The following SPDEF variants were observed in gnomAD, a reference collection of about 807,000 sequenced individuals.
SPDEF encodes SAM pointed domain containing ETS transcription factor.
Under a neutral mutation model 36.0 loss-of-function variants are expected in SPDEF, and 12 were observed. The observed-to-expected ratio is 0.33, with a 90% CI of 0.21 to 0.54. The LOEUF is 0.54. Ranked by LOEUF, SPDEF falls within the 20% of genes least tolerant of loss-of-function variation. The pLI, the probability that SPDEF is intolerant of heterozygous loss-of-function variation, is 0.93. For missense variants in SPDEF, 388 were observed against 456.9 expected (o/e 0.85, Z 1.37); for synonymous variants, 205 against 193.0 (o/e 1.06, Z -0.51).
chr6:34,548,374 C>T (rs1219584233), intron 1 of SPDEF, among the ~76,000 whole-genome samples: 1 of 152,182 alleles, frequency 6.6e-6, no homozygotes, highest in Non-Finnish European at 1.5e-5. Context: ...CTGTCCCCAC[C>T]TCTTGGCTCT....
In SPDEF at chr6:34,538,536, G is replaced by A. The variant is rs1005836370; in HGVS notation, c.830-84C>T. 1.3e-5 allele frequency: 18 copies of A among 1,429,254 alleles called. No individual in the cohort carries two copies. Among genetic ancestry groups the A allele is most frequent in the South Asian group, 2.6e-5 (2 of 77,392 alleles). The allele number at this position is 1,429,254 out of a possible 1,614,324, so 88.5% of individuals were successfully genotyped here. On this transcript the variant is annotated intron_variant, in intron 5 of 5. Coordinates refer to ENST00000374037, the MANE Select transcript of SPDEF (RefSeq NM_012391.3). The surrounding 1 kb of genome is among the most constrained non-coding windows in gnomAD (Gnocchi z 5.9). ...AGACGCAGACCACCAGGTCAGCCTCGTGGCGAACCAAGGGACCCCGTGCAG... is the reference window on the plus strand; with the variant it reads ...AGACGCAGACCACCAGGTCAGCCTCATGGCGAACCAAGGGACCCCGTGCAG...
At chr6:34,546,944 C>T (rs1349389150) in intron 1 of SPDEF, among the ~76,000 whole-genome samples, 1 of 152,094 alleles carries the variant, frequency 6.6e-6, no homozygotes, top group Non-Finnish European at 1.5e-5. Flanking sequence ...TGGGCCCCAC[C>T]CTGCCTGGTG....
chr6:34,551,319 G>A (rs1055633385), intron 1 of SPDEF, among the ~76,000 whole-genome samples: 1 of 152,208 alleles, frequency 6.6e-6, no homozygotes, highest in Non-Finnish European at 1.5e-5. Context: ...GCAGCCCCAA[G>A]TGGACCATCG....
Position 34,539,544 on chromosome 6 carries a change from C to T in SPDEF, c.653G>A (p.Arg218Gln), listed in dbSNP as rs201096048. 2.3e-4 allele frequency: 354 copies of T among 1,572,866 alleles called. No individual in the cohort carries two copies. The highest frequency in any genetic ancestry group is 9.2e-4 in the Admixed American group (50 of 54,548). The change falls in exon 4 of 6, where the codon CGG becomes CAG. Residue 218 changes from arginine (R) to glutamine (Q), a missense_variant. Transcript: ENST00000374037. The surrounding 1 kb of genome is among the most constrained non-coding windows in gnomAD (Gnocchi z 5.2). ...GTAGTGAATCGCCCCAGGTGAAGTCCGCTCTTTCATCCAGGCCGCTGCAGG... is the reference window on the plus strand; with the variant it reads ...GTAGTGAATCGCCCCAGGTGAAGTCTGCTCTTTCATCCAGGCCGCTGCAGG... ...IWKSAAWMKE[R>Q]TSPGAIHYCA... is the part of the protein sequence containing the mutation.
Position 34,552,890 on chromosome 6 carries a change from G to A in SPDEF, c.-30+3039C>T, listed in dbSNP as rs187993417. Among the ~76,000 whole-genome samples the A allele has an allele frequency of 1.3e-5, 2 of 152,312 alleles. No individual in the cohort carries two copies. Among genetic ancestry groups the A allele is most frequent in the Non-Finnish European group, 1.5e-5 (1 of 68,030 alleles). ...TCCCCCTTTTGTCCTGGCACAGAGG[G>A]TAGGGTGGGGCAGGAGGAGCTAGGT... On this transcript the variant is annotated intron_variant, in intron 1 of 5. Coordinates refer to ENST00000374037, the MANE Select transcript of SPDEF (RefSeq NM_012391.3). This position sits in a 1 kb window ranked among gnomAD's most constrained non-coding sequence, Gnocchi z 4.6.
intron 1 of SPDEF, among the ~76,000 whole-genome samples, chr6:34,546,242 G>A (rs1767951086): frequency 6.6e-6 from 1 of 152,158 alleles, no homozygotes; most frequent in South Asian, 2.1e-4. Context: ...CTGGCCTCTG[G>A]GTGATTCTCG....
intron 2 of SPDEF, among the ~76,000 whole-genome samples, chr6:34,543,522 C>A (rs1375078999): frequency 6.6e-6 from 1 of 152,124 alleles, no homozygotes; most frequent in African/African-American, 2.4e-5. Flanking sequence ...TGTTTGTTTT[C>A]TTTACCATGT....
In SPDEF at chr6:34,544,187, G is replaced by A. The variant is rs1427612179; in HGVS notation, c.269C>T (p.Pro90Leu). Residue 90 changes from proline (P) to leucine (L), a missense_variant, in exon 2 of 6, where the codon CCT (proline) becomes CTT (leucine). Pro to Leu is a moderately conservative substitution (Grantham distance 98, BLOSUM62 -3). Coordinates refer to ENST00000374037, the MANE Select transcript of SPDEF (RefSeq NM_012391.3). This position sits in a 1 kb window ranked among gnomAD's most constrained non-coding sequence, Gnocchi z 4.4. Reference protein sequence around the residue: ...ASSREEPPEEPEQCPVIDSQA... With the variant: ...ASSREEPPEELEQCPVIDSQA... ...GCTGTCAATGACCGGGCACTGCTCA[G>A]GCTCCTCAGGTGGCTCCTCCCGACT... 6.2e-7 allele frequency: 1 copy of A among 1,613,770 alleles called. No homozygotes were observed. Among genetic ancestry groups the A allele is most frequent in the East Asian group, 2.2e-5 (1 of 44,900 alleles).
At chr6:34,554,423 G>A (rs1768125178) in intron 1 of SPDEF, among the ~76,000 whole-genome samples, 1 of 151,842 alleles carries the variant, frequency 6.6e-6, no homozygotes, top group Admixed American at 6.5e-5. Context: ...GGGTCCTTGT[G>A]AAAACCAAAG....
At chr6:34,549,546 CCCGAACCACAGTTTCCGGGAATGGAGTCA>C (rs1768017888) in intron 1 of SPDEF, among the ~76,000 whole-genome samples, 1 of 152,194 alleles carries the variant, frequency 6.6e-6, no homozygotes, top group South Asian at 2.1e-4. Flanking sequence ...CCTGACAGCT[CCCGAACCACAGTTTCCGGGAATGGAGTCA>C]CCTGGGAGGC....
rs1479602711 is a variant in SPDEF at position 34,538,092 on chromosome 6, C to T, written c.*182G>A. 2 of 600,926 alleles carry T rather than the reference C, an allele frequency of 3.3e-6. No individual in the cohort carries two copies. The highest frequency in any genetic ancestry group is 5.7e-6 in the Non-Finnish European group (2 of 351,856). 37.2% of individuals were successfully genotyped at this position (600,926 alleles called of 1,614,324 possible). ...GAGGAAGCACCCCTGCCCCAGGGTC[C>T]CGAAGGCCCCAGAGGACCCATATCC... On this transcript the variant is annotated 3_prime_UTR_variant, in exon 6 of 6. Transcript: ENST00000374037. This position sits in a 1 kb window ranked among gnomAD's most constrained non-coding sequence, Gnocchi z 5.9.
intron 1 of SPDEF, among the ~76,000 whole-genome samples, chr6:34,553,334 C>T (rs1319669516): frequency 4.7e-5 from 7 of 147,960 alleles, no homozygotes; most frequent in East Asian, 2.2e-4. Flanking sequence ...CAGGGCAACT[C>T]GGCTTGTGCA....
chr6:34,542,294 T>G (rs984069556), intron 2 of SPDEF, among the ~76,000 whole-genome samples: 1 of 152,076 alleles, frequency 6.6e-6, no homozygotes, highest in Non-Finnish European at 1.5e-5. Context: ...GGGACATGGG[T>G]CAGGACTGCC....
chr6:34,551,911 A>G (rs1768070204), intron 1 of SPDEF, among the ~76,000 whole-genome samples: 1 of 152,132 alleles, frequency 6.6e-6, no homozygotes, highest in South Asian at 2.1e-4. Flanking sequence ...GTTTCCCACC[A>G]TAGCAACTAC....
intron 2 of SPDEF, 88 bp downstream of exon 2, chr6:34,543,932 T>A: frequency 1.5e-6 from 2 of 1,328,778 alleles, no homozygotes; most frequent in East Asian, 4.9e-5. Flanking sequence ...GTGGCCAGAG[T>A]CCATCCAGCA....
At position 34,552,506 on chromosome 6, in the gene SPDEF, C is replaced by T. The variant is rs748915829; in HGVS notation, c.-30+3423G>A. Among the ~76,000 whole-genome samples the T allele has an allele frequency of 7.2e-5, 11 of 152,246 alleles. No individual in the cohort carries two copies. Among genetic ancestry groups the T allele is most frequent in the Non-Finnish European group, 1.3e-4 (9 of 68,052 alleles). On this transcript the variant is annotated intron_variant, in intron 1 of 5. Coordinates refer to ENST00000374037, the MANE Select transcript of SPDEF (RefSeq NM_012391.3). The surrounding 1 kb of genome is among the most constrained non-coding windows in gnomAD (Gnocchi z 4.6). ...CTGTCTCCCGAGAGGTGTGTGTCCA[C>T]AGTGGTGACTGCTGTCTCCATCTGC...
At chr6:34,542,606 C>T (rs369090518) in intron 2 of SPDEF, among the ~76,000 whole-genome samples, 3 of 152,334 alleles carry the variant, frequency 2.0e-5, no homozygotes, top group South Asian at 2.1e-4. Flanking sequence ...AACTGCTTTT[C>T]GGCCCAGAGA....
Position 34,542,994 on chromosome 6 carries a change from C to T in SPDEF, c.436+1026G>A, listed in dbSNP as rs1331080976. Among the ~76,000 whole-genome samples the T allele has an allele frequency of 4.0e-5, 6 of 150,462 alleles. No individual in the cohort carries two copies. The East Asian group carries it at 1.2e-3, about 29-fold the overall frequency. The stretch of plus-strand genomic sequence containing the variant: ...AGATCACGAGGTCAGGAGATCGAGA[C>T]CATCCTGGCTAACACGGTGAAACCC... On this transcript the variant is annotated intron_variant, in intron 2 of 5. Coordinates refer to ENST00000374037, the MANE Select transcript of SPDEF (RefSeq NM_012391.3).
At position 34,539,645 on chromosome 6, in the gene SPDEF, G is replaced by T; in HGVS notation, c.635-83C>A. 6.9e-7 allele frequency: 1 copy of T among 1,455,394 alleles called. No homozygotes were observed. The highest frequency in any genetic ancestry group is 9.4e-7 in the Non-Finnish European group (1 of 1,062,706). 90.2% of individuals were successfully genotyped at this position (1,455,394 alleles called of 1,614,324 possible). ...GGAGGCGTTTGGGTGGGACTGTGGG[G>T]CCACAGGAGCCCCTCTGTGGCTGGG... On this transcript the variant is annotated intron_variant, in intron 3 of 5. Coordinates refer to ENST00000374037, the MANE Select transcript of SPDEF (RefSeq NM_012391.3). This position sits in a 1 kb window ranked among gnomAD's most constrained non-coding sequence, Gnocchi z 5.2.
Sources: gnomAD v4.1 joint callset for allele counts (sites outside exome capture counted in the v4.1 genomes callset) on GRCh38, gnomAD v4.1.1 for gene constraint, Gnocchi (gnomAD v3.1) non-coding constraint, MANE v1.5 for transcripts, NCBI Gene and HGNC (gene_info 2026-07-23, HGNC 2026-07-21) for gene names.